The following TAPT1 variants were observed in gnomAD, a reference collection of about 807,000 sequenced individuals.
TAPT1 encodes transmembrane anterior posterior transformation 1.
A neutral mutation model predicts 65.6 loss-of-function variants in TAPT1; 28 were observed. That is an observed-to-expected ratio of 0.43 (90% CI 0.32 to 0.59). The LOEUF (loss-of-function observed/expected upper bound fraction) is 0.59, where lower values mean the gene tolerates loss of function less well. Among genes scored for constraint, TAPT1 ranks in the 20% least tolerant of loss-of-function variants. The pLI is 0.09. For missense variants in TAPT1, 563 were observed against 679.9 expected, an observed-to-expected ratio of 0.83 and a Z score of 1.91; for synonymous variants, 278 against 245.2, an observed-to-expected ratio of 1.13 and a Z score of -1.25.
chr4:16,170,787 G>T, intron 11 of TAPT1, 58 bp from the exon 12 acceptor site: 1 of 1,290,884 alleles, frequency 7.7e-7, no homozygotes, highest in Non-Finnish European at 1.1e-6. Flanking sequence ...CAACCACAGA[G>T]TTATTAGTTA....
At chr4:16,192,987 A>G (rs953651846) in intron 3 of TAPT1, among the ~76,000 whole-genome samples, 35 of 152,350 alleles carry the variant, frequency 2.3e-4, no homozygotes, top group African/African-American at 7.7e-4. Flanking sequence ...TAAATCTTCC[A>G]AACTGTTACT....
At chr4:16,200,802 A>G (rs1278749711) in intron 3 of TAPT1, among the ~76,000 whole-genome samples, 1 of 152,248 alleles carries the variant, frequency 6.6e-6, no homozygotes, top group Non-Finnish European at 1.5e-5. Flanking sequence ...CAGGAGTGAT[A>G]AAAGAAAATA....
intron 2 of TAPT1, among the ~76,000 whole-genome samples, chr4:16,203,361 T>C (rs1294881006): frequency 6.6e-6 from 1 of 152,208 alleles, no homozygotes; most frequent in Non-Finnish European, 1.5e-5. Flanking sequence ...CTCCACAGAT[T>C]AAAATTCATA....
At chr4:16,224,651 C>T (rs539401473) in intron 1 of TAPT1, among the ~76,000 whole-genome samples, 1 of 152,264 alleles carries the variant, frequency 6.6e-6, no homozygotes, top group East Asian at 1.9e-4. Context: ...GGAGGCATCT[C>T]CCTGATAATG....
At chr4:16,203,777 T>C (rs1210433632) in intron 2 of TAPT1, among the ~76,000 whole-genome samples, 1 of 152,244 alleles carries the variant, frequency 6.6e-6, no homozygotes, top group Non-Finnish European at 1.5e-5. Flanking sequence ...TATGGTACTT[T>C]GTTATGGCAG....
chr4:16,189,315 T>C (rs1435432665), intron 4 of TAPT1, among the ~76,000 whole-genome samples: 1 of 152,184 alleles, frequency 6.6e-6, no homozygotes, highest in East Asian at 1.9e-4. Flanking sequence ...ATAAGATATA[T>C]CATTTCCTAA....
At chr4:16,209,772 G>A (rs1050036893) in intron 2 of TAPT1, among the ~76,000 whole-genome samples, 14 of 152,344 alleles carry the variant, frequency 9.2e-5, no homozygotes, top group African/African-American at 3.4e-4. Context: ...ATCTTGTGAG[G>A]CTGTTGAATG....
chr4:16,220,505 C>T (rs1484064246), intron 1 of TAPT1, among the ~76,000 whole-genome samples: 1 of 152,282 alleles, frequency 6.6e-6, no homozygotes, highest in South Asian at 2.1e-4. Context: ...AAAATAGACA[C>T]TTTGGGAGGC....
At chr4:16,198,498 A>C (rs1405811406) in intron 3 of TAPT1, among the ~76,000 whole-genome samples, 1 of 152,228 alleles carries the variant, frequency 6.6e-6, no homozygotes, top group Non-Finnish European at 1.5e-5. Flanking sequence ...AACAATTTCA[A>C]AGAACAAAGA....
intron 2 of TAPT1, among the ~76,000 whole-genome samples, chr4:16,210,087 G>C (rs1187396588): frequency 8.5e-5 from 13 of 152,162 alleles, no homozygotes; most frequent in Non-Finnish European, 1.6e-4. Context: ...AAAATGTCAG[G>C]GTGTGTTATC....
At chr4:16,214,476 A>T (rs1750821191) in intron 1 of TAPT1, 1 of 152,264 alleles carries the variant, frequency 6.6e-6, no homozygotes. Context: ...CAACCGGATC[A>T]GAAAAACCTC....
chr4:16,207,106 T>C (rs947034123), intron 2 of TAPT1, among the ~76,000 whole-genome samples: 1 of 152,114 alleles, frequency 6.6e-6, no homozygotes, highest in African/African-American at 2.4e-5. Flanking sequence ...CAGCAGGGGC[T>C]GGGGGACAAG....
chr4:16,206,980 C>T (rs1283373316), intron 2 of TAPT1, among the ~76,000 whole-genome samples: 1 of 152,126 alleles, frequency 6.6e-6, no homozygotes, highest in Non-Finnish European at 1.5e-5. Flanking sequence ...GTGGTCACTA[C>T]CACCACAAGC....
At chr4:16,182,258 G>A (rs965746904) in intron 7 of TAPT1, among the ~76,000 whole-genome samples, 32 of 152,132 alleles carry the variant, frequency 2.1e-4, no homozygotes, top group African/African-American at 7.7e-4. Context: ...GAGAATAACA[G>A]AGTCTGATAC....
At chr4:16,169,211 G>A (rs1375630013) in intron 12 of TAPT1, among the ~76,000 whole-genome samples, 4 of 152,204 alleles carry the variant, frequency 2.6e-5, no homozygotes, top group African/African-American at 9.7e-5. Context: ...GACATGGGAG[G>A]CTGGGGCACA....
chr4:16,174,131 T>A, intron 11 of TAPT1, 73 bp downstream of exon 11: 1 of 1,195,706 alleles, frequency 8.4e-7, no homozygotes, highest in Non-Finnish European at 1.2e-6. Flanking sequence ...ACAATCATAT[T>A]AATAATCCAT....
intron 7 of TAPT1, among the ~76,000 whole-genome samples, chr4:16,181,352 AAAAT>A (rs1329966205): frequency 1.3e-5 from 2 of 152,228 alleles, no homozygotes; most frequent in Non-Finnish European, 2.9e-5. Context: ...GAATTATCTG[AAAAT>A]AAATGGCCTT....
At chr4:16,163,764 C>T (rs766521404) in intron 13 of TAPT1, among the ~76,000 whole-genome samples, 1 of 152,142 alleles carries the variant, frequency 6.6e-6, no homozygotes, top group African/African-American at 2.4e-5. Flanking sequence ...TTACATTGCT[C>T]GTATCACACA....
chr4:16,227,286 C>T (rs1271282258), upstream of TAPT1: 1 of 455,750 alleles, frequency 2.2e-6, no homozygotes, highest in East Asian at 7.0e-5. Context: ...GGAGACAGCC[C>T]TTGGCCACCA....
Sources: gnomAD v4.1 joint callset for allele counts (sites outside exome capture counted in the v4.1 genomes callset) on GRCh38, gnomAD v4.1.1 for gene constraint, MANE v1.5 for transcripts, NCBI Gene and HGNC (gene_info 2026-07-23, HGNC 2026-07-21) for gene names.